The following TENM2 variants were observed in gnomAD, a reference collection of about 807,000 sequenced individuals.
TENM2 encodes the protein teneurin transmembrane protein 2.
TENM2 carries 52 observed loss-of-function variants against 245.2 expected under a neutral mutation model. That is an observed-to-expected ratio of 0.21 (90% CI 0.17 to 0.27). The LOEUF (loss-of-function observed/expected upper bound fraction) is 0.27. TENM2 is among the 10% of genes least tolerant of loss of function. The pLI, the probability that TENM2 is intolerant of heterozygous loss-of-function variation, is 1.00. For synonymous variants in TENM2, 1,363 were observed against 1,438.9 expected, an observed-to-expected ratio of 0.95 and a Z score of 1.19; for missense variants, 3,046 against 3,666.8, an observed-to-expected ratio of 0.83 and a Z score of 4.37.
intron 2 of TENM2, among the ~76,000 whole-genome samples, chr5:167,622,356 G>A (rs183751713): frequency 6.6e-5 from 10 of 152,198 alleles, no homozygotes; most frequent in African/African-American, 1.9e-4. Context: ...AAAAGCTCAT[G>A]TTGCCCGCAT....
chr5:167,774,425 C>A (rs1467608970), intron 2 of TENM2, among the ~76,000 whole-genome samples: 1 of 152,162 alleles, frequency 6.6e-6, no homozygotes, highest in Admixed American at 6.5e-5. Context: ...GCCACCTACC[C>A]TTACTCCATG....
intron 2 of TENM2, among the ~76,000 whole-genome samples, chr5:167,625,122 T>G (rs1778414943): frequency 6.6e-6 from 1 of 152,142 alleles, no homozygotes; most frequent in African/African-American, 2.4e-5. Flanking sequence ...CAGGGAGACA[T>G]GTTTAGACTT....
chr5:168,025,817 A>G (rs1238826916), intron 5 of TENM2, among the ~76,000 whole-genome samples: 1 of 152,154 alleles, frequency 6.6e-6, no homozygotes, highest in Non-Finnish European at 1.5e-5. Flanking sequence ...AAGTTGTTTA[A>G]ACTAAAATAA....
At chr5:167,397,728 A>G (rs1474253303) in intron 2 of TENM2, among the ~76,000 whole-genome samples, 1 of 152,148 alleles carries the variant, frequency 6.6e-6, no homozygotes. Flanking sequence ...AGGTTAAGAA[A>G]TGGTATCTGC....
At chr5:167,796,540 G>C (rs192091003) in intron 2 of TENM2, among the ~76,000 whole-genome samples, 1 of 152,158 alleles carries the variant, frequency 6.6e-6, no homozygotes, top group East Asian at 1.9e-4. Context: ...ATATCCTTAA[G>C]TCAATTCTCC....
At chr5:168,076,155 G>T (rs996138420) in intron 7 of TENM2, among the ~76,000 whole-genome samples, 4 of 151,250 alleles carry the variant, frequency 2.6e-5, no homozygotes, top group African/African-American at 9.7e-5. Context: ...GGACATTTGG[G>T]TTGTCTGGTT....
the TENM2 span, among the ~76,000 whole-genome samples, chr5:167,198,629 T>C: frequency 2.0e-5 from 3 of 152,202 alleles, no homozygotes; most frequent in Admixed American, 2.0e-4. Context: ...AAACAAGACC[T>C]GATTCTGTGT....
At chr5:167,455,651 T>C (rs950993078) in intron 2 of TENM2, among the ~76,000 whole-genome samples, 8 of 152,232 alleles carry the variant, frequency 5.3e-5, no homozygotes, top group Non-Finnish European at 1.0e-4. Flanking sequence ...CCCAGTTATC[T>C]TTGATCATTC....
chr5:168,024,461 T>C (rs1786432467), intron 5 of TENM2, among the ~76,000 whole-genome samples: 1 of 152,152 alleles, frequency 6.6e-6, no homozygotes, highest in Non-Finnish European at 1.5e-5. Context: ...AACTGTGAAA[T>C]TCAGTTGGGG....
chr5:167,540,056 T>C (rs1476955665), intron 2 of TENM2, among the ~76,000 whole-genome samples: 2 of 152,200 alleles, frequency 1.3e-5, no homozygotes, highest in Non-Finnish European at 2.9e-5. Flanking sequence ...ACAGTAACTT[T>C]AAGTGATACA....
At chr5:167,438,931 TG>T (rs933178579) in intron 2 of TENM2, among the ~76,000 whole-genome samples, 28 of 152,168 alleles carry the variant, frequency 1.8e-4, no homozygotes, top group African/African-American at 6.7e-4. Flanking sequence ...GTAGCTGGGA[TG>T]ACAGGCGCCC....
At chr5:167,422,702 A>T (rs1763583023) in intron 2 of TENM2, among the ~76,000 whole-genome samples, 2 of 152,184 alleles carry the variant, frequency 1.3e-5, no homozygotes, top group Non-Finnish European at 2.9e-5. Flanking sequence ...AAAAATGCAA[A>T]GTGGAGTGTG....
At chr5:168,102,248 T>C (rs1793880390) in intron 9 of TENM2, among the ~76,000 whole-genome samples, 1 of 152,154 alleles carries the variant, frequency 6.6e-6, no homozygotes, top group African/African-American at 2.4e-5. Context: ...TAATTTTGTA[T>C]GTTTAGTAAA....
At chr5:168,010,555 C>G (rs563582387) in intron 5 of TENM2, among the ~76,000 whole-genome samples, 77 of 152,292 alleles carry the variant, frequency 5.1e-4, no homozygotes, top group African/African-American at 1.9e-3. Context: ...TCTTTTAGAA[C>G]AGTGTTTTAC....
At chr5:167,759,877 T>G (rs1055241725) in intron 2 of TENM2, among the ~76,000 whole-genome samples, 2 of 143,928 alleles carry the variant, frequency 1.4e-5, no homozygotes, top group African/African-American at 2.6e-5. Flanking sequence ...TTTCTTTAGC[T>G]CCGAAGTGTG....
intron 4 of TENM2, among the ~76,000 whole-genome samples, chr5:167,975,375 G>A (rs777790783): frequency 1.3e-5 from 2 of 152,066 alleles, no homozygotes; most frequent in Non-Finnish European, 2.9e-5. Flanking sequence ...ATGCTGCAGG[G>A]TCTGCCTTAG....
At chr5:167,100,998 T>A in the TENM2 span, among the ~76,000 whole-genome samples, 1 of 152,228 alleles carries the variant, frequency 6.6e-6, no homozygotes, top group Non-Finnish European at 1.5e-5. Context: ...GAGATACATG[T>A]TTAAGTACCA....
chr5:167,626,422 A>G (rs913900934), intron 2 of TENM2, among the ~76,000 whole-genome samples: 1 of 152,240 alleles, frequency 6.6e-6, no homozygotes, highest in Non-Finnish European at 1.5e-5. Context: ...TGTCATACAT[A>G]AAACAATTCC....
At chr5:167,755,463 A>AG (rs2150672882) in intron 2 of TENM2, among the ~76,000 whole-genome samples, 1 of 151,160 alleles carries the variant, frequency 6.6e-6, no homozygotes, top group South Asian at 2.1e-4. Context: ...CACCAGAAAA[A>AG]AAAAATATGT....
Sources: allele counts gnomAD v4.1 joint callset (sites outside exome capture counted in the v4.1 genomes callset), GRCh38; gene constraint gnomAD v4.1.1; transcripts MANE v1.5; gene names NCBI Gene and HGNC (gene_info 2026-07-23, HGNC 2026-07-21).